The following FAM193A variants were observed in gnomAD, a reference collection of about 807,000 sequenced individuals.
FAM193A encodes the protein family with sequence similarity 193 member A.
In FAM193A, 22 loss-of-function variants were observed where a neutral mutation model predicts 126.5. That is an observed-to-expected ratio of 0.17 (90% CI 0.12 to 0.25). FAM193A has a LOEUF of 0.25. Ranked by LOEUF, FAM193A falls within the 10% of genes least tolerant of loss-of-function variation. FAM193A has a pLI of 1.00. For missense variants in FAM193A, 1,675 were observed against 1,672.8 expected, an observed-to-expected ratio of 1.00 and a Z score of -0.02; for synonymous variants, 761 against 646.8, an observed-to-expected ratio of 1.18 and a Z score of -2.68.
chr4:2,624,035 G>C (rs911543398), intron 2 of FAM193A, among the ~76,000 whole-genome samples: 2 of 152,134 alleles, frequency 1.3e-5, no homozygotes, highest in African/African-American at 4.8e-5. Context: ...GTCCTTCTCA[G>C]GGCCTCTTCT....
At chr4:2,644,603 T>G (rs1445675891) in intron 6 of FAM193A, among the ~76,000 whole-genome samples, 1 of 152,138 alleles carries the variant, frequency 6.6e-6, no homozygotes, top group East Asian at 1.9e-4. Context: ...TGTGCGTCAG[T>G]ATTGTTTCTT....
At chr4:2,645,459 A>T (rs963430733) in intron 6 of FAM193A, among the ~76,000 whole-genome samples, 1 of 151,742 alleles carries the variant, frequency 6.6e-6, no homozygotes, top group African/African-American at 2.4e-5. Context: ...GTCCACCTGC[A>T]TGTGTGTCTT....
rs1386944308 is a variant in FAM193A at position 2,696,280 on chromosome 4, C to G, written c.3277-83C>G. The G allele has an allele frequency of 7.0e-6, 6 of 861,746 alleles. No homozygotes were observed. In the Middle Eastern group the frequency reaches 7.8e-4, roughly 112 times the overall value. The allele number at this position is 861,746 out of a possible 1,614,324, so 53.4% of individuals were successfully genotyped here. The stretch of plus-strand genomic sequence containing the variant: ...AATATATACTACTTGAGTAATAAAA[C>G]AGTTTATTTTTGGAGGTGTGGTCTG... On this transcript the variant is annotated intron_variant, in intron 17 of 20. Transcript: ENST00000637812.
chr4:2,553,242 C>A (rs944518366), intron 1 of FAM193A, among the ~76,000 whole-genome samples: 2 of 152,036 alleles, frequency 1.3e-5, no homozygotes, highest in African/African-American at 4.8e-5. Context: ...GGCAGGAGGA[C>A]CACTTGAGCT....
chr4:2,672,191 C>CAATGACAGCCGG lies in FAM193A; in HGVS notation c.2152_2163dup (p.Met718_Gly721dup). The CAATGACAGCCGG allele has an allele frequency of 6.2e-7, 1 of 1,614,196 alleles. No individual in the cohort carries two copies. Among genetic ancestry groups the CAATGACAGCCGG allele is most frequent in the Non-Finnish European group, 8.5e-7 (1 of 1,180,034 alleles). On this transcript the variant is annotated inframe_insertion, in exon 13 of 21. Transcript: ENST00000637812. Reference sequence around the variant, plus strand: ...GAAGCTTCTGGACTGACACCATCTGCAATGACAGCCGGAGCCCTTCCTCCT... The same window carrying CAATGACAGCCGG: ...GAAGCTTCTGGACTGACACCATCTGCAATGACAGCCGGAATGACAGCCGGAGCCCTTCCTCCT...
At chr4:2,658,186 G>A (rs771250855) in intron 8 of FAM193A, among the ~76,000 whole-genome samples, 1 of 152,076 alleles carries the variant, frequency 6.6e-6, no homozygotes, top group Non-Finnish European at 1.5e-5. Context: ...TCCCCTATGA[G>A]GCAGATGGTG....
intron 1 of FAM193A, among the ~76,000 whole-genome samples, chr4:2,576,176 A>C (rs1409674657): frequency 1.3e-5 from 2 of 152,054 alleles, no homozygotes; most frequent in Non-Finnish European, 2.9e-5. Context: ...GGCTCACTGC[A>C]ACCTCCACCT....
intron 1 of FAM193A, among the ~76,000 whole-genome samples, chr4:2,593,601 C>G (rs1423469047): frequency 6.6e-6 from 1 of 152,330 alleles, no homozygotes; most frequent in African/African-American, 2.4e-5. Context: ...CTGGACCAGT[C>G]CCTGAGCATG....
chr4:2,728,521 A>G (rs1721008298), intron 20 of FAM193A, among the ~76,000 whole-genome samples: 1 of 152,094 alleles, frequency 6.6e-6, no homozygotes, highest in Non-Finnish European at 1.5e-5. Context: ...GGCCTGACAG[A>G]TGTGGCTTGC....
In FAM193A at chr4:2,602,959, C is replaced by CTTTTTTT. The variant is rs71178487; in HGVS notation, c.501+6651_501+6657dup. 1.7e-3 allele frequency among the ~76,000 whole-genome samples: 70 copies of CTTTTTTT among 42,310 alleles called. 19 individuals carry two copies. The highest frequency in any genetic ancestry group is 6.9e-3 in the African/African-American group (60 of 8,686). 27.8% of individuals were successfully genotyped at this position (42,310 alleles called of 152,430 possible). On this transcript the variant is annotated intron_variant, in intron 2 of 20. Coordinates refer to ENST00000637812, the MANE Select transcript of FAM193A (RefSeq NM_001366318.2). ...ACAAGTGTGAGCCACTGCACCCGGC[C>CTTTTTTT]TTTTTTTTTTTTTTTTTTTTTTTTT...
At chr4:2,634,978 C>T (rs924517665) in intron 5 of FAM193A, among the ~76,000 whole-genome samples, 3 of 152,156 alleles carry the variant, frequency 2.0e-5, no homozygotes, top group Non-Finnish European at 2.9e-5. Context: ...ACTTTCTCTT[C>T]CCTCTTTTTG....
intron 20 of FAM193A, among the ~76,000 whole-genome samples, chr4:2,729,837 T>G (rs189502013): frequency 1.3e-5 from 2 of 152,232 alleles, no homozygotes; most frequent in Non-Finnish European, 2.9e-5. Flanking sequence ...GCCTTGAACT[T>G]GTAAGCTCAA....
intron 2 of FAM193A, among the ~76,000 whole-genome samples, chr4:2,619,242 G>A (rs972974962): frequency 1.3e-5 from 2 of 151,482 alleles, no homozygotes; most frequent in African/African-American, 2.4e-5. Flanking sequence ...CTTTATAATT[G>A]CCAATTTCAG....
intron 2 of FAM193A, among the ~76,000 whole-genome samples, chr4:2,624,491 A>G (rs948604711): frequency 3.3e-5 from 5 of 152,120 alleles, no homozygotes; most frequent in African/African-American, 1.2e-4. Flanking sequence ...CAGGCAGTGC[A>G]GGCTATGGGA....
At chr4:2,585,854 G>C (rs1315091142) in intron 1 of FAM193A, among the ~76,000 whole-genome samples, 1 of 152,156 alleles carries the variant, frequency 6.6e-6, no homozygotes. Context: ...GCTTGAACCT[G>C]GGAGGTGGAG....
rs546132810 is a variant in FAM193A, at chr4:2,731,934, C to A, written c.*66C>A. The A allele has an allele frequency of 3.3e-6, 4 of 1,219,258 alleles. No homozygotes were observed. Among genetic ancestry groups the A allele is most frequent in the African/African-American group, 3.0e-5 (2 of 67,494 alleles). The allele number at this position is 1,219,258 out of a possible 1,614,324, so 75.5% of individuals were successfully genotyped here. On this transcript the variant is annotated 3_prime_UTR_variant, in exon 21 of 21. Coordinates refer to ENST00000637812, the MANE Select transcript of FAM193A (RefSeq NM_001366318.2). ...GGCTGCACCACCCCAAGAGCCACGC[C>A]CCTCGCTGGCGCCCCAGAGCCGTGG... is the stretch of plus-strand genomic sequence containing the variant.
chr4:2,608,032 C>T (rs1315255604), intron 2 of FAM193A: 28 of 1,605,892 alleles, frequency 1.7e-5, no homozygotes, highest in Non-Finnish European at 2.0e-5. Context: ...ACGCACTTCA[C>T]GTCCGGGTGT....
chr4:2,718,759 A>T (rs937058976), intron 20 of FAM193A, among the ~76,000 whole-genome samples: 6 of 152,062 alleles, frequency 3.9e-5, no homozygotes, highest in African/African-American at 1.4e-4. Flanking sequence ...GTAAATATAT[A>T]AGTGAAAAGG....
intron 2 of FAM193A, among the ~76,000 whole-genome samples, chr4:2,612,361 C>T (rs1237727832): frequency 4.6e-5 from 7 of 151,702 alleles, no homozygotes; most frequent in South Asian, 2.1e-4. Flanking sequence ...TTAGCCGAGA[C>T]GGTGGCGTGC....
Sources: gnomAD v4.1 joint callset for allele counts (sites outside exome capture counted in the v4.1 genomes callset) on GRCh38, gnomAD v4.1.1 for gene constraint, MANE v1.5 for transcripts, NCBI Gene and HGNC (gene_info 2026-07-23, HGNC 2026-07-21) for gene names.